The following KIAA1958 variants were observed in gnomAD, a reference collection of about 807,000 sequenced individuals.
KIAA1958 encodes KIAA1958, also known as uncharacterized protein KIAA1958.
In KIAA1958, 14 loss-of-function variants were observed where a neutral mutation model predicts 47.2. That is an observed-to-expected ratio of 0.30 (90% CI 0.20 to 0.46). The LOEUF (loss-of-function observed/expected upper bound fraction) is 0.46. KIAA1958 is among the 20% of genes least tolerant of loss of function. KIAA1958 has a pLI of 1.00. For synonymous variants in KIAA1958, 354 were observed against 353.3 expected (o/e 1.00, Z -0.02); for missense variants, 803 against 909.2 (o/e 0.88, Z 1.50).
chr9:112,512,283 C>G (rs895089786), intron 1 of KIAA1958, among the ~76,000 whole-genome samples: 1 of 152,014 alleles, frequency 6.6e-6, no homozygotes, highest in Non-Finnish European at 1.5e-5. Context: ...AATGATCCAG[C>G]AATTCATAAG....
At chr9:112,489,986 C>G (rs1833936993) in intron 1 of KIAA1958, among the ~76,000 whole-genome samples, 1 of 152,172 alleles carries the variant, frequency 6.6e-6, no homozygotes, top group Non-Finnish European at 1.5e-5. Flanking sequence ...ACTTTCAAGT[C>G]TTTCTTTTTG....
intron 1 of KIAA1958, among the ~76,000 whole-genome samples, chr9:112,568,796 G>A (rs1279445524): frequency 1.3e-5 from 2 of 151,138 alleles, no homozygotes; most frequent in Non-Finnish European, 3.0e-5. Flanking sequence ...GCTGAGGTGG[G>A]AGGGTTACCG....
At chr9:112,629,216 A>G (rs1050536205) in intron 2 of KIAA1958, among the ~76,000 whole-genome samples, 2 of 152,150 alleles carry the variant, frequency 1.3e-5, no homozygotes, top group African/African-American at 4.8e-5. Context: ...AATAACCACA[A>G]TTAATACTTA....
chr9:112,577,082 G>T (rs1396924550), intron 2 of KIAA1958, among the ~76,000 whole-genome samples: 2 of 152,090 alleles, frequency 1.3e-5, no homozygotes, highest in Non-Finnish European at 2.9e-5. Flanking sequence ...GTTTTGATTT[G>T]CATTACCCTA....
At chr9:112,599,038 G>T (rs1394629888) in intron 2 of KIAA1958, among the ~76,000 whole-genome samples, 1 of 152,094 alleles carries the variant, frequency 6.6e-6, no homozygotes, top group Non-Finnish European at 1.5e-5. Context: ...CTGAGCCACT[G>T]CACTCTACCC....
chr9:112,494,979 T>C (rs1009289618), intron 1 of KIAA1958, among the ~76,000 whole-genome samples: 3 of 152,156 alleles, frequency 2.0e-5, no homozygotes, highest in African/African-American at 7.2e-5. Context: ...CATTTTTTTT[T>C]CTTTTTGAGA....
At chr9:112,494,249 T>C (rs1309061430) in intron 1 of KIAA1958, among the ~76,000 whole-genome samples, 2 of 152,236 alleles carry the variant, frequency 1.3e-5, no homozygotes, top group African/African-American at 2.4e-5. Flanking sequence ...ACACAGTGTT[T>C]TTTATTACAT....
At chr9:112,511,469 G>T (rs1047297000) in intron 1 of KIAA1958, among the ~76,000 whole-genome samples, 1 of 152,154 alleles carries the variant, frequency 6.6e-6, no homozygotes, top group African/African-American at 2.4e-5. Flanking sequence ...TGAGAGAAGT[G>T]AATGTGTACA....
chr9:112,518,830 T>C (rs1377101660), intron 1 of KIAA1958, among the ~76,000 whole-genome samples: 2 of 151,586 alleles, frequency 1.3e-5, no homozygotes, highest in African/African-American at 4.8e-5. Context: ...ACTAAGCAGA[T>C]GCTGGTAGAA....
chr9:112,541,067 G>T (rs914618748), intron 1 of KIAA1958, among the ~76,000 whole-genome samples: 2 of 151,760 alleles, frequency 1.3e-5, no homozygotes, highest in Admixed American at 1.3e-4. Flanking sequence ...GTTTCTTTTT[G>T]ATCCATTACT....
intron 2 of KIAA1958, among the ~76,000 whole-genome samples, chr9:112,632,577 C>G (rs1300273342): frequency 1.3e-5 from 2 of 152,022 alleles, no homozygotes; most frequent in South Asian, 4.2e-4. Flanking sequence ...TGAAATATAT[C>G]TCATTTTAAT....
intron 1 of KIAA1958, among the ~76,000 whole-genome samples, chr9:112,557,768 A>G (rs1454850587): frequency 1.3e-5 from 2 of 152,244 alleles, no homozygotes; most frequent in East Asian, 3.8e-4. Flanking sequence ...ATGAAAAACA[A>G]AAATATCATA....
intron 1 of KIAA1958, among the ~76,000 whole-genome samples, chr9:112,516,866 G>A (rs557244158): frequency 6.6e-6 from 1 of 152,344 alleles, no homozygotes; most frequent in African/African-American, 2.4e-5. Context: ...CTCCAGTGCA[G>A]CCATGTGGTG....
chr9:112,626,659 ATTGT>A (rs1175880244), intron 2 of KIAA1958, among the ~76,000 whole-genome samples: 1 of 152,006 alleles, frequency 6.6e-6, no homozygotes, highest in African/African-American at 2.4e-5. Flanking sequence ...TTAATTTATA[ATTGT>A]TTATTTATAT....
intron 3 of KIAA1958, among the ~76,000 whole-genome samples, chr9:112,657,652 A>AT (rs1484587344): frequency 1.3e-5 from 2 of 152,126 alleles, no homozygotes; most frequent in Non-Finnish European, 2.9e-5. Flanking sequence ...TGTCTACTTG[A>AT]TAAAAAAAAA....
At chr9:112,520,305 G>A (rs775511310) in intron 1 of KIAA1958, among the ~76,000 whole-genome samples, 244 of 152,318 alleles carry the variant, frequency 1.6e-3, no homozygotes, top group Non-Finnish European at 2.2e-3. Flanking sequence ...AATGAATGTG[G>A]TATAGTCTCA....
intron 1 of KIAA1958, among the ~76,000 whole-genome samples, chr9:112,503,553 G>A (rs547982583): frequency 6.8e-6 from 1 of 147,908 alleles, no homozygotes; most frequent in African/African-American, 2.5e-5. Flanking sequence ...GGAGGCTGAG[G>A]CTGCAATGAG....
chr9:112,491,438 G>A (rs1344043442), intron 1 of KIAA1958, among the ~76,000 whole-genome samples: 1 of 152,118 alleles, frequency 6.6e-6, no homozygotes, highest in African/African-American at 2.4e-5. Flanking sequence ...GCAAGTTAGA[G>A]AATAGCTTTC....
At chr9:112,512,775 A>T (rs1268623947) in intron 1 of KIAA1958, among the ~76,000 whole-genome samples, 1 of 151,736 alleles carries the variant, frequency 6.6e-6, no homozygotes, top group Non-Finnish European at 1.5e-5. Context: ...AATGACAGGA[A>T]AGCACGGGGG....
Sources: allele counts gnomAD v4.1 joint callset (sites outside exome capture counted in the v4.1 genomes callset), GRCh38; gene constraint gnomAD v4.1.1; transcripts MANE v1.5; gene names NCBI Gene and HGNC (gene_info 2026-07-23, HGNC 2026-07-21).